The following PARVB variants were observed in gnomAD, a reference collection of about 807,000 sequenced individuals.
The protein encoded by PARVB is parvin beta.
Under a neutral mutation model 47.0 loss-of-function variants are expected in PARVB, and 46 were observed. The observed-to-expected ratio is 0.98, with a 90% CI of 0.77 to 1.25. PARVB has a LOEUF of 1.25. Ranked by LOEUF, PARVB falls within the 50% of genes most tolerant of loss-of-function variation. The probability of loss-of-function intolerance (pLI) is 0.00; values close to 1 mark genes in which losing one functional copy is unlikely to be tolerated. For synonymous variants in PARVB, 196 were observed against 196.3 expected, an observed-to-expected ratio of 1.00 and a Z score of 0.01; for missense variants, 473 against 471.6, an observed-to-expected ratio of 1.00 and a Z score of -0.03.
At chr22:44,144,539 T>C (rs1376690879) in intron 8 of PARVB, 2 of 152,292 alleles carry the variant, frequency 1.3e-5, no homozygotes, top group African/African-American at 4.8e-5. Flanking sequence ...GGCTCACACC[T>C]GTAGTCCCAG....
intron 1 of PARVB, among the ~76,000 whole-genome samples, chr22:44,028,035 G>A (rs553926593): frequency 6.6e-6 from 1 of 151,806 alleles, no homozygotes; most frequent in East Asian, 1.9e-4. Context: ...AATACAAAGT[G>A]TCCCCACCTA....
At chr22:44,016,025 A>G (rs1236865347) in intron 2 of PARVB, among the ~76,000 whole-genome samples, 1 of 151,956 alleles carries the variant, frequency 6.6e-6, no homozygotes. Flanking sequence ...CCATGGAACC[A>G]ACAACGCATT....
intron 8 of PARVB, chr22:44,146,110 C>G (rs537476082): frequency 2.0e-5 from 3 of 150,606 alleles, no homozygotes; most frequent in African/African-American, 7.3e-5. Flanking sequence ...TGCGCTCACA[C>G]AGGCACACAC....
rs984690233 is a variant in PARVB at position 44,125,760 on chromosome 22, C to T, written c.377-5727C>T. ...TTGGAGGTTTTGGGTAGGGCTGTGA[C>T]GTGGATTGGGTTAGAGTTTAAAAGG... On this transcript the variant is annotated intron_variant, in intron 4 of 12. Coordinates refer to ENST00000338758, the MANE Select transcript of PARVB (RefSeq NM_013327.5). The surrounding 1 kb of genome is among the most constrained non-coding windows in gnomAD (Gnocchi z 4.1). Among the ~76,000 whole-genome samples, 3 of 152,188 alleles carry T rather than the reference C, an allele frequency of 2.0e-5. No homozygotes were observed. The highest frequency in any genetic ancestry group is 4.8e-5 in the African/African-American group (2 of 41,522).
intron 1 of PARVB, among the ~76,000 whole-genome samples, chr22:44,071,558 C>T (rs1369536515): frequency 3.3e-5 from 5 of 152,160 alleles, no homozygotes; most frequent in Non-Finnish European, 5.9e-5. Flanking sequence ...GCTACCCATC[C>T]TCCACCCGCT....
rs1231969521 is a variant in PARVB at position 44,034,280 on chromosome 22, T to TGG, written c.112+9831_112+9832dup. Among the ~76,000 whole-genome samples, 142 of 146,770 alleles carry TGG rather than the reference T, an allele frequency of 9.7e-4. 7 individuals carry two copies. The highest frequency in any genetic ancestry group is 3.5e-3 in the Middle Eastern group (1 of 282). Reference sequence around the variant, plus strand: ...TCTTTATACATATATATGTTTGAGATGGGTGTCTTTATACATATATATGTT... The same window carrying TGG: ...TCTTTATACATATATATGTTTGAGATGGGGGTGTCTTTATACATATATATGTT... On this transcript the variant is annotated intron_variant, in intron 1 of 12. Coordinates refer to ENST00000338758, the MANE Select transcript of PARVB (RefSeq NM_013327.5).
intron 2 of PARVB, among the ~76,000 whole-genome samples, chr22:44,017,004 T>A (rs1463783711): frequency 6.6e-6 from 1 of 152,036 alleles, no homozygotes; most frequent in Non-Finnish European, 1.5e-5. Context: ...GCCTCCCGAG[T>A]AGCTGGGATT....
chr22:44,018,803 T>C (rs2050612726), intron 2 of PARVB, among the ~76,000 whole-genome samples: 1 of 152,160 alleles, frequency 6.6e-6, no homozygotes, highest in Admixed American at 6.6e-5. Context: ...TCACCCAGAT[T>C]CTCAGGCCAC....
chr22:44,059,039 C>CGTTTTT, intron 1 of PARVB, among the ~76,000 whole-genome samples: 1 of 73,070 alleles, frequency 1.4e-5, no homozygotes, highest in South Asian at 7.1e-4. Context: ...CACCCTGTGG[C>CGTTTTT]TTTTTTTTTT....
intron 2 of PARVB, among the ~76,000 whole-genome samples, chr22:44,098,405 G>A (rs2052359887): frequency 1.3e-5 from 2 of 152,182 alleles, no homozygotes; most frequent in Non-Finnish European, 2.9e-5. Context: ...GGTCTGAAGG[G>A]TGAAGGAAAC....
intron 1 of PARVB, among the ~76,000 whole-genome samples, chr22:44,050,423 A>C (rs565320235): frequency 8.6e-4 from 130 of 151,160 alleles, no homozygotes; most frequent in African/African-American, 2.8e-3. Context: ...AGCTCACTGC[A>C]ACCTCCGCCT....
At chr22:44,011,361 C>G (rs530421029) in intron 2 of PARVB, among the ~76,000 whole-genome samples, 2 of 152,070 alleles carry the variant, frequency 1.3e-5, no homozygotes, top group South Asian at 4.1e-4. Flanking sequence ...GCCTATAATC[C>G]CAGCACTTTG....
chr22:44,064,023 A>T (rs1187069982), intron 1 of PARVB, among the ~76,000 whole-genome samples: 1 of 152,192 alleles, frequency 6.6e-6, no homozygotes, highest in Non-Finnish European at 1.5e-5. Context: ...CTGTGTGGTC[A>T]GTGGCGCCTT....
intron 1 of PARVB, among the ~76,000 whole-genome samples, chr22:44,090,412 C>T (rs1191442021): frequency 2.6e-5 from 4 of 152,224 alleles, no homozygotes; most frequent in Non-Finnish European, 4.4e-5. Context: ...GAGCACGTTT[C>T]TCATTTATTA....
chr22:44,108,137 G>A (rs527935795), intron 3 of PARVB: 1 of 152,472 alleles, frequency 6.6e-6, no homozygotes, highest in Non-Finnish European at 1.5e-5. Flanking sequence ...GCCTCCCAAA[G>A]TACTGGGATT....
intron 10 of PARVB, among the ~76,000 whole-genome samples, chr22:44,154,862 T>C (rs1210331772): frequency 1.4e-5 from 2 of 142,208 alleles, no homozygotes; most frequent in African/African-American, 2.6e-5. Flanking sequence ...CAGTCTGTGG[T>C]GGGGGTGTGT....
intron 4 of PARVB, among the ~76,000 whole-genome samples, chr22:44,127,790 T>TC (rs2053221356): frequency 2.4e-5 from 1 of 40,916 alleles, no homozygotes; most frequent in Non-Finnish European, 5.2e-5. Context: ...CTCTTCTTTT[T>TC]TTTTTTTTCT....
At position 44,155,689 on chromosome 22, in the gene PARVB, A is replaced by G. The variant is rs777901794; in HGVS notation, c.844-2293A>G. On this transcript the variant is annotated intron_variant, in intron 10 of 12. Coordinates refer to ENST00000338758, the MANE Select transcript of PARVB (RefSeq NM_013327.5). This position sits in a 1 kb window ranked among gnomAD's most constrained non-coding sequence, Gnocchi z 4.8. ...GTTGTTCTGCTGGGAAGGTGCCAGC[A>G]CGCTTAACCAGGGTGCTGTGGGCAT... Among the ~76,000 whole-genome samples the G allele has an allele frequency of 1.3e-5, 2 of 152,160 alleles. No individual in the cohort carries two copies. The highest frequency in any genetic ancestry group is 2.4e-5 in the African/African-American group (1 of 41,446).
At chr22:44,018,585 C>G (rs953563839) in intron 2 of PARVB, among the ~76,000 whole-genome samples, 1 of 152,182 alleles carries the variant, frequency 6.6e-6, no homozygotes, top group Non-Finnish European at 1.5e-5. Flanking sequence ...GTTCATTCCT[C>G]TTTGTCCCCC....
Sources: gnomAD v4.1 joint callset for allele counts (sites outside exome capture counted in the v4.1 genomes callset) on GRCh38, gnomAD v4.1.1 for gene constraint, Gnocchi (gnomAD v3.1) non-coding constraint, MANE v1.5 for transcripts, NCBI Gene and HGNC (gene_info 2026-07-23, HGNC 2026-07-21) for gene names.